Variants in KAT14 observed in about 807,000 individuals in gnomAD.
KAT14 encodes lysine acetyltransferase 14.
A neutral mutation model predicts 78.4 loss-of-function variants in KAT14; 66 were observed. The ratio of observed to expected loss-of-function variants is 0.84; its 90% CI spans 0.69 to 1.03. KAT14 has a LOEUF of 1.03. Among genes scored for constraint, KAT14 ranks in the 50% least tolerant of loss-of-function variants. The pLI is 0.00. For synonymous variants in KAT14, 344 were observed against 359.4 expected, an observed-to-expected ratio of 0.96 and a Z score of 0.48; for missense variants, 870 against 972.5, an observed-to-expected ratio of 0.89 and a Z score of 1.40.
At chr20:18,165,897 C>T (rs1043655623) in intron 7 of KAT14, among the ~76,000 whole-genome samples, 1 of 152,028 alleles carries the variant, frequency 6.6e-6, no homozygotes, top group African/African-American at 2.4e-5. Context: ...ATCAGCTGGT[C>T]TTTGGGGTGG....
intron 5 of KAT14, among the ~76,000 whole-genome samples, chr20:18,161,391 G>T (rs1002016592): frequency 6.6e-6 from 1 of 152,048 alleles, no homozygotes; most frequent in African/African-American, 2.4e-5. Context: ...GTAGGTGAAA[G>T]ATAGTATTTA....
chr20:18,163,348 TGAA>T (rs1568669109), intron 7 of KAT14, among the ~76,000 whole-genome samples: 1 of 152,122 alleles, frequency 6.6e-6, no homozygotes, highest in Non-Finnish European at 1.5e-5. Context: ...AAGGACAACA[TGAA>T]GAAATAGCAG....
chr20:18,157,980 C>T (rs180727234), intron 4 of KAT14, among the ~76,000 whole-genome samples: 1 of 152,112 alleles, frequency 6.6e-6, no homozygotes, highest in Non-Finnish European at 1.5e-5. Context: ...TCTTGTTGCC[C>T]GGGCTGGAGT....
At chr20:18,142,121 G>A (rs2037609378) in intron 1 of KAT14, 87 bp from the exon 2 acceptor site, 7 of 1,327,130 alleles carry the variant, frequency 5.3e-6, no homozygotes, top group Non-Finnish European at 7.0e-6. Flanking sequence ...AGTATATTTT[G>A]GTAACACTGT....
intron 7 of KAT14, among the ~76,000 whole-genome samples, chr20:18,180,315 GCTCCAATT>G (rs2039201698): frequency 6.6e-6 from 1 of 151,990 alleles, no homozygotes; most frequent in South Asian, 2.1e-4. Flanking sequence ...AGTCACCTTT[GCTCCAATT>G]CCCAACAAAT....
At chr20:18,154,156 T>TA (rs1179439998) in intron 4 of KAT14, among the ~76,000 whole-genome samples, 2 of 152,224 alleles carry the variant, frequency 1.3e-5, no homozygotes, top group Non-Finnish European at 2.9e-5. Flanking sequence ...CCTGGGTAGT[T>TA]ACCACTTGCT....
chr20:18,161,957 G>A lies in KAT14; in HGVS notation c.817G>A (p.Ala273Thr). 6.2e-7 allele frequency: 1 copy of A among 1,614,270 alleles called. No homozygotes were observed. The highest frequency in any genetic ancestry group is 8.5e-7 in the Non-Finnish European group (1 of 1,180,052). Reference protein sequence around the residue: ...RTQEAKDIRRAQKEAAGFLDR... With the variant: ...RTQEAKDIRRTQKEAAGFLDR... ...TCAGGAAGCAAAAGACATTAGAAGA[G>A]CCCAGAAGGAGGCCGCTGGCTTTCT... The change falls in exon 6 of 11, where the codon GCC becomes ACC. Residue 273 changes from alanine to threonine, a missense_variant. By Grantham distance (58) the Ala-to-Thr change is moderately conservative. Transcript: ENST00000688188.
At position 18,181,694 on chromosome 20, in the gene KAT14, T is replaced by G. The variant is rs2039259799; in HGVS notation, c.1669-16T>G. ...TGAGTAATTATTTCTATATAACCAG[T>G]GTTTCTTTCTCATAGACTTCCTTGC... On this transcript the variant is annotated splice_polypyrimidine_tract_variant and intron_variant, in intron 7 of 10. Transcript: ENST00000688188. 2 of 1,613,902 alleles carry G rather than the reference T, an allele frequency of 1.2e-6. No homozygotes were observed. Among genetic ancestry groups the G allele is most frequent in the South Asian group, 2.2e-5 (2 of 91,080 alleles).
intron 2 of KAT14, among the ~76,000 whole-genome samples, chr20:18,143,842 C>T (rs74171664): frequency 3.2e-4 from 49 of 151,912 alleles, no homozygotes; most frequent in Non-Finnish European, 1.2e-4. Context: ...GTTGGTCAGG[C>T]TGGTCTCAAA....
At chr20:18,163,062 G>A (rs909588858) in intron 7 of KAT14, 117 bp downstream of exon 7, 2 of 1,352,116 alleles carry the variant, frequency 1.5e-6, no homozygotes, top group Admixed American at 2.9e-5. Context: ...AATTTGGGAA[G>A]AGAAAAGTAA....
intron 7 of KAT14, among the ~76,000 whole-genome samples, chr20:18,180,382 T>G (rs1033561306): frequency 6.6e-6 from 1 of 152,184 alleles, no homozygotes; most frequent in Non-Finnish European, 1.5e-5. Flanking sequence ...ATTGTTCATA[T>G]CACTATCAGC....
At chr20:18,185,567 T>C (rs1471456588) in intron 10 of KAT14, among the ~76,000 whole-genome samples, 1 of 152,252 alleles carries the variant, frequency 6.6e-6, no homozygotes, top group African/African-American at 2.4e-5. Flanking sequence ...ATGAACCTTC[T>C]AAGATTTGAT....
intron 5 of KAT14, among the ~76,000 whole-genome samples, chr20:18,161,565 A>G (rs1391521777): frequency 6.6e-6 from 1 of 152,232 alleles, no homozygotes; most frequent in Non-Finnish European, 1.5e-5. Context: ...AAATTTAGAT[A>G]TGGGTTGAGC....
intron 9 of KAT14, among the ~76,000 whole-genome samples, 187 bp from the exon 10 acceptor site, chr20:18,184,415 A>G (rs140416744): frequency 1.8e-4 from 27 of 151,862 alleles, no homozygotes; most frequent in African/African-American, 5.3e-4. Flanking sequence ...TGTAATTTCA[A>G]TATTTTCTAA....
At chr20:18,176,856 T>C (rs1026737062) in intron 7 of KAT14, among the ~76,000 whole-genome samples, 2 of 152,202 alleles carry the variant, frequency 1.3e-5, no homozygotes, top group African/African-American at 4.8e-5. Flanking sequence ...CTCTGGCTTC[T>C]GTGTCGAGAG....
chr20:18,179,278 GC>G (rs1173284102), intron 7 of KAT14, among the ~76,000 whole-genome samples: 1 of 152,180 alleles, frequency 6.6e-6, no homozygotes, highest in Admixed American at 6.5e-5. Context: ...AAGGACGGTG[GC>G]CCTCTTCTCA....
intron 10 of KAT14, 120 bp from the exon 11 acceptor site, chr20:18,187,166 C>T (rs1414726802): frequency 2.3e-6 from 3 of 1,311,780 alleles, no homozygotes; most frequent in East Asian, 5.0e-5. Context: ...GTCTCAGCCT[C>T]AGTCTCTGAT....
chr20:18,137,461 G>A (rs2037339659), upstream of KAT14, among the ~76,000 whole-genome samples: 1 of 152,216 alleles, frequency 6.6e-6, no homozygotes. Flanking sequence ...TCTCCTGGTG[G>A]CGCCTGCCCC....
At chr20:18,144,740 T>G (rs1303052616) in intron 2 of KAT14, among the ~76,000 whole-genome samples, 1 of 152,194 alleles carries the variant, frequency 6.6e-6, no homozygotes, top group Non-Finnish European at 1.5e-5. Context: ...CAAGAACAAC[T>G]TGGGTGATTC....
Sources: allele counts gnomAD v4.1 joint callset (sites outside exome capture counted in the v4.1 genomes callset), GRCh38; gene constraint gnomAD v4.1.1; transcripts MANE v1.5; gene names NCBI Gene and HGNC (gene_info 2026-07-23, HGNC 2026-07-21).